The following MEA1 variants were observed in gnomAD, a reference collection of about 807,000 sequenced individuals.
MEA1 encodes male-enhanced antigen 1.
In MEA1, 22 loss-of-function variants were observed where a neutral mutation model predicts 21.4. The ratio of observed to expected loss-of-function variants is 1.03; its 90% CI spans 0.73 to 1.47. The LOEUF (loss-of-function observed/expected upper bound fraction) is 1.47. Among genes scored for constraint, MEA1 ranks in the 40% most tolerant of loss-of-function variants. MEA1 has a pLI of 0.00. For missense variants in MEA1, 233 were observed against 230.5 expected (o/e 1.01, Z -0.07); for synonymous variants, 91 against 85.5 (o/e 1.06, Z -0.35).
chr6:43,012,835 G>T, intron 3 of MEA1, 91 bp downstream of exon 3: 6 of 1,331,482 alleles, frequency 4.5e-6, no homozygotes, highest in Middle Eastern at 1.8e-4. Flanking sequence ...TATCTTTTTA[G>T]GATAGGGTCT....
At chr6:43,014,262 G>A (rs1762499903), upstream of MEA1, 2 of 921,620 alleles carry the variant, frequency 2.2e-6, no homozygotes, top group Middle Eastern at 3.5e-4. Flanking sequence ...TATCTCGTTG[G>A]GGACTAAGGC....
At position 43,013,117 on chromosome 6, in the gene MEA1, G is replaced by A. The variant is rs1355364964; in HGVS notation, c.301C>T (p.Gln101Ter). 1 of 1,613,984 alleles carries A rather than the reference G, an allele frequency of 6.2e-7. No individual in the cohort carries two copies. The highest frequency in any genetic ancestry group is 8.5e-7 in the Non-Finnish European group (1 of 1,180,012). The part of the protein sequence containing the change: ...DVVADIQDRI[Q>*]ALGLHLPDPP... ...GAACCATCCCTCCTCCACCCTACCT[G>A]GATTCGATCCTGGATGTCAGCAACT... Residue 101 changes from glutamine (Q) to a stop codon, truncating the protein, a stop_gained and splice_region_variant, in exon 2 of 4, where the codon CAG becomes TAG. Transcript: ENST00000244711. LOFTEE classifies it high-confidence loss of function.
Position 43,012,509 on chromosome 6 carries a change from T to C in MEA1, c.519A>G (p.Lys173=), listed in dbSNP as rs1159170207. The C allele has an allele frequency of 1.9e-6, 3 of 1,608,572 alleles. No individual in the cohort carries two copies. In the Admixed American group the frequency reaches 5.1e-5, roughly 28 times the overall value. ...SDAQWEDVVQ[K]ALQARQASPA... is the part of the protein sequence containing the mutation. ...GGGATGCCTGCCGGGCTTGGAGGGC[T>C]TTCTGTACCACATCTTCCCACTGGG... The change falls in exon 4 of 4, where the codon AAA becomes AAG. Residue 173 remains lysine, a synonymous_variant. Transcript: ENST00000244711.
chr6:43,012,772 C>A, intron 3 of MEA1, 151 bp from the exon 4 acceptor site: 1 of 1,224,616 alleles, frequency 8.2e-7, no homozygotes, highest in Non-Finnish European at 1.1e-6. Context: ...CCAAAGCTAG[C>A]AAAAGAGCAT....
At position 43,012,453 on chromosome 6, in the gene MEA1, G is replaced by A; in HGVS notation, c.*17C>T. On this transcript the variant is annotated 3_prime_UTR_variant, in exon 4 of 4. Transcript: ENST00000244711. The stretch of plus-strand genomic sequence containing the variant: ...TCTGGCCTGGAATGTAGGAATATAA[G>A]GCAGCTCTCACTGTGGTCACTTCCA... 7.0e-6 allele frequency: 11 copies of A among 1,580,938 alleles called. No homozygotes were observed. Among genetic ancestry groups the A allele is most frequent in the Non-Finnish European group, 9.4e-6 (11 of 1,166,110 alleles).
rs1366092779 is a variant in MEA1, at chr6:43,012,274, G to T, written c.*196C>A. The T allele has an allele frequency of 2.9e-6, 4 of 1,356,914 alleles. No homozygotes were observed. Among genetic ancestry groups the T allele is most frequent in the Non-Finnish European group, 3.8e-6 (4 of 1,053,752 alleles). The allele number at this position is 1,356,914 out of a possible 1,614,324, so 84.1% of individuals were successfully genotyped here. ...CTTTATTCTCCACAGAGTGATACAT[G>T]CTAAGGTGGGTTGGGCTTGGACCGA... On this transcript the variant is annotated 3_prime_UTR_variant, in exon 4 of 4. Coordinates refer to ENST00000244711, the MANE Select transcript of MEA1 (RefSeq NM_014623.4).
rs1762386429 is a variant in MEA1, at chr6:43,012,225, G to C, written c.*245C>G. The C allele has an allele frequency of 1.7e-6, 2 of 1,193,796 alleles. No individual in the cohort carries two copies. Among genetic ancestry groups the C allele is most frequent in the Admixed American group, 4.3e-5 (1 of 23,234 alleles). 74.0% of individuals were successfully genotyped at this position (1,193,796 alleles called of 1,614,324 possible). ...AGGTTCCAGGGGCGCAGGCAGTGCG[G>C]CTTTTGGCTGTGTACATAGGGTGCT... is the stretch of plus-strand genomic sequence containing the variant. On this transcript the variant is annotated 3_prime_UTR_variant, in exon 4 of 4. Coordinates refer to ENST00000244711, the MANE Select transcript of MEA1 (RefSeq NM_014623.4).
upstream of MEA1, among the ~76,000 whole-genome samples, chr6:43,015,851 CT>C (rs1762557552): frequency 1.2e-5 from 1 of 80,354 alleles, no homozygotes; most frequent in African/African-American, 1.2e-4. Flanking sequence ...GAGACTTCAT[CT>C]AAAAAAAAAA....
At chr6:43,014,294 T>C (rs553362305), upstream of MEA1, 20 of 725,448 alleles carry the variant, frequency 2.8e-5, no homozygotes, top group East Asian at 5.2e-4. Context: ...CGCAACGGGT[T>C]CTAGGCTGCA....
chr6:43,011,205 C>G lies in MEA1; in HGVS notation c.*1265G>C, dbSNP rs764041360. 2 of 1,614,120 alleles carry G rather than the reference C, an allele frequency of 1.2e-6. No individual in the cohort carries two copies. Among genetic ancestry groups the G allele is most frequent in the Admixed American group, 3.3e-5 (2 of 60,012 alleles). ...TGCTGCGGAGGAAGTCGGAGCTGCC[C>G]CAGGACGTGTACACCATCAAGGCAC... On this transcript the variant is annotated 3_prime_UTR_variant, in exon 4 of 4. Coordinates refer to ENST00000244711, the MANE Select transcript of MEA1 (RefSeq NM_014623.4).
rs1270505930 is a variant in MEA1, at chr6:43,011,159, A to G, written c.*1311T>C. 1.2e-6 allele frequency: 2 copies of G among 1,614,116 alleles called. No homozygotes were observed. The highest frequency in any genetic ancestry group is 2.7e-5 in the African/African-American group (2 of 75,014). ...CCTATTCACACACAGATGCTAAAAGACATCAAGAAGGAGAAAGTGCTGCTG... is the reference window on the plus strand; with the variant it reads ...CCTATTCACACACAGATGCTAAAAGGCATCAAGAAGGAGAAAGTGCTGCTG... On this transcript the variant is annotated 3_prime_UTR_variant, in exon 4 of 4. Transcript: ENST00000244711.
chr6:43,014,035 A>C, upstream of MEA1: 4 of 1,424,252 alleles, frequency 2.8e-6, no homozygotes, highest in Non-Finnish European at 9.2e-7. Flanking sequence ...CGTCATTCCC[A>C]GCCCAAAAAA....
rs3833663 is a variant in MEA1, at chr6:43,011,534, TG to T, written c.*935del. 8.8e-5 allele frequency: 47 copies of T among 536,822 alleles called. No individual in the cohort carries two copies. In the East Asian group the frequency reaches 1.5e-3, roughly 17 times the overall value. 33.3% of individuals were successfully genotyped at this position (536,822 alleles called of 1,614,324 possible). A position where few individuals can be genotyped will look rare whatever the true frequency, so the allele number is the denominator to read the frequency against. ...TAAGATGCTTAGTGCTCAGACAACC[TG>T]GGGATGCCTGTCCCCTACCTGCTCC... On this transcript the variant is annotated 3_prime_UTR_variant, in exon 4 of 4. Coordinates refer to ENST00000244711, the MANE Select transcript of MEA1 (RefSeq NM_014623.4).
At chr6:43,014,108 C>T, upstream of MEA1, 1 of 1,415,468 alleles carries the variant, frequency 7.1e-7, no homozygotes, top group Non-Finnish European at 9.2e-7. Flanking sequence ...TGCGCAGAAT[C>T]TCTCCTACGC....
In MEA1 at chr6:43,012,397, C is replaced by T; in HGVS notation, c.*73G>A. 6.7e-7 allele frequency: 1 copy of T among 1,492,784 alleles called. No homozygotes were observed. Among genetic ancestry groups the T allele is most frequent in the Non-Finnish European group, 8.9e-7 (1 of 1,119,524 alleles). The allele number at this position is 1,492,784 out of a possible 1,614,324, so 92.5% of individuals were successfully genotyped here. A position where few individuals can be genotyped will look rare whatever the true frequency, so the allele number is the denominator to read the frequency against. ...ACGGGGAAGATGGAAATGGACATTA[C>T]AACCAGGGATGTGTTCAGTCCTGTG... On this transcript the variant is annotated 3_prime_UTR_variant, in exon 4 of 4. Coordinates refer to ENST00000244711, the MANE Select transcript of MEA1 (RefSeq NM_014623.4).
At position 43,011,561 on chromosome 6, in the gene MEA1, TCACC is replaced by T; in HGVS notation, c.*905_*908del. The T allele has an allele frequency of 2.0e-6, 1 of 510,214 alleles. No homozygotes were observed. The highest frequency in any genetic ancestry group is 3.5e-5 in the East Asian group (1 of 28,838). The allele number at this position is 510,214 out of a possible 1,614,324, so 31.6% of individuals were successfully genotyped here. ...GGGATGCCTGTCCCCTACCTGCTCC[TCACC>T]CACAGCTACCTGAGGCTGCTCTGAG... On this transcript the variant is annotated 3_prime_UTR_variant, in exon 4 of 4. Transcript: ENST00000244711.
chr6:43,014,380 A>T (rs1762503603), upstream of MEA1: 1 of 607,472 alleles, frequency 1.6e-6, no homozygotes, highest in Admixed American at 2.2e-5. Flanking sequence ...GGCAAGGGAG[A>T]ATTAGGGGGC....
rs1312697603 is a variant in MEA1 at position 43,012,350 on chromosome 6, G to A, written c.*120C>T. 3 of 1,480,902 alleles carry A rather than the reference G, an allele frequency of 2.0e-6. No individual in the cohort carries two copies. Among genetic ancestry groups the A allele is most frequent in the Non-Finnish European group, 2.7e-6 (3 of 1,115,430 alleles). 91.7% of individuals were successfully genotyped at this position (1,480,902 alleles called of 1,614,324 possible). A position where few individuals can be genotyped will look rare whatever the true frequency, so the allele number is the denominator to read the frequency against. ...AAAGTGGGTCTCTGAGAAGTCTGAT[G>A]TGCCTTGATGTGGAAAGGGAGACGG... On this transcript the variant is annotated 3_prime_UTR_variant, in exon 4 of 4. Transcript: ENST00000244711.
At position 43,011,453 on chromosome 6, in the gene MEA1, C is replaced by A. The variant is rs1448031857; in HGVS notation, c.*1017G>T. 1.8e-5 allele frequency: 16 copies of A among 882,910 alleles called. No homozygotes were observed. The highest frequency in any genetic ancestry group is 5.7e-5 in the Admixed American group (2 of 35,176). The allele number at this position is 882,910 out of a possible 1,614,324, so 54.7% of individuals were successfully genotyped here. A position where few individuals can be genotyped will look rare whatever the true frequency, so the allele number is the denominator to read the frequency against. Reference sequence around the variant, plus strand: ...GAAGCAGGGACACCCACAGAATGGTCCCTCTTCTCCCCAAAAGGTGTTCAT... The same window carrying A: ...GAAGCAGGGACACCCACAGAATGGTACCTCTTCTCCCCAAAAGGTGTTCAT... On this transcript the variant is annotated 3_prime_UTR_variant, in exon 4 of 4. Coordinates refer to ENST00000244711, the MANE Select transcript of MEA1 (RefSeq NM_014623.4).
Sources: gnomAD v4.1 joint callset for allele counts (sites outside exome capture counted in the v4.1 genomes callset) on GRCh38, gnomAD v4.1.1 for gene constraint, MANE v1.5 for transcripts, NCBI Gene and HGNC (gene_info 2026-07-23, HGNC 2026-07-21) for gene names.